TYRP1: variants seen among roughly 807,000 people sequenced by gnomAD.
TYRP1 encodes 5,6-dihydroxyindole-2-carboxylic acid oxidase.
A neutral mutation model predicts 42.8 loss-of-function variants in TYRP1; 49 were observed. The ratio of observed to expected loss-of-function variants is 1.14; its 90% CI spans 0.91 to 1.45. The LOEUF (loss-of-function observed/expected upper bound fraction) is 1.45, where lower values mean the gene tolerates loss of function less well. TYRP1 is among the 40% of genes most tolerant of loss of function. The probability of loss-of-function intolerance (pLI) is 0.00; values close to 1 mark genes in which losing one functional copy is unlikely to be tolerated. For missense variants in TYRP1, 848 were observed against 662.0 expected, an observed-to-expected ratio of 1.28 and a Z score of -3.08; for synonymous variants, 279 against 235.4, an observed-to-expected ratio of 1.19 and a Z score of -1.69.
chr9:12,705,198 A>T (rs778992812), intron 6 of TYRP1, among the ~76,000 whole-genome samples: 1 of 152,072 alleles, frequency 6.6e-6, no homozygotes, highest in African/African-American at 2.4e-5. Context: ...ATATCACACT[A>T]TAGGAAATCT....
Position 12,695,465 on chromosome 9 carries a change from C to T in TYRP1, c.386-50C>T, listed in dbSNP as rs776441173. ...CAAGATGATTATGCTCTTTCTCTAC[C>T]CATCCCCGCAAGGCAGATGTTTTCA... On this transcript the variant is annotated intron_variant, in intron 2 of 7. Transcript: ENST00000388918. 3.2e-6 allele frequency: 5 copies of T among 1,551,700 alleles called. No homozygotes were observed. In the South Asian group the frequency reaches 5.6e-5, roughly 17 times the overall value.
intron 4 of TYRP1, among the ~76,000 whole-genome samples, chr9:12,701,456 A>G (rs1818166861): frequency 6.6e-6 from 1 of 151,814 alleles, no homozygotes; most frequent in Non-Finnish European, 1.5e-5. Flanking sequence ...TGTTACAGAT[A>G]GGGGGTGTTA....
chr9:12,704,643 T>G lies in TYRP1; in HGVS notation c.1199T>G (p.Phe400Cys). ...CATTTGTCTCCAAATGATCCTATTT[T>G]TGTCCTCCTGCACACCTTCACAGAT... ...QTHLSPNDPIFVLLHTFTDAV... is the reference protein window; with the variant it reads ...QTHLSPNDPICVLLHTFTDAV... The change falls in exon 6 of 8, where the codon TTT becomes TGT. Residue 400 changes from phenylalanine to cysteine, a missense_variant. Phe to Cys is a radical substitution (Grantham distance 205). Transcript: ENST00000388918. 6.2e-7 allele frequency: 1 copy of G among 1,613,176 alleles called. No homozygotes were observed. Among genetic ancestry groups the G allele is most frequent in the Non-Finnish European group, 8.5e-7 (1 of 1,179,474 alleles).
At chr9:12,707,464 A>C (rs1818276639) in intron 6 of TYRP1, among the ~76,000 whole-genome samples, 1 of 152,006 alleles carries the variant, frequency 6.6e-6, no homozygotes, top group Non-Finnish European at 1.5e-5. Flanking sequence ...CTCTATAGAC[A>C]AATAAAATCA....
chr9:12,709,255 T>C lies in TYRP1; in HGVS notation c.*73T>C, dbSNP rs1302919400. The C allele has an allele frequency of 7.1e-7, 1 of 1,411,458 alleles. No individual in the cohort carries two copies. Among genetic ancestry groups the C allele is most frequent in the East Asian group, 2.3e-5 (1 of 43,726 alleles). The allele number at this position is 1,411,458 out of a possible 1,614,324, so 87.4% of individuals were successfully genotyped here. A position where few individuals can be genotyped will look rare whatever the true frequency, so the allele number is the denominator to read the frequency against. The stretch of plus-strand genomic sequence containing the variant: ...GAATATAATAGATTGAGTTATTAAC[T>C]GTATTTTCTTTCACTTTATTACCTT... On this transcript the variant is annotated 3_prime_UTR_variant, in exon 8 of 8. Transcript: ENST00000388918.
At chr9:12,698,842 G>C (rs1818120761) in intron 4 of TYRP1, among the ~76,000 whole-genome samples, 187 bp downstream of exon 4, 1 of 152,066 alleles carries the variant, frequency 6.6e-6, no homozygotes, top group Non-Finnish European at 1.5e-5. Context: ...GTTGCTCCAG[G>C]GGAAACAGAA....
intron 5 of TYRP1, among the ~76,000 whole-genome samples, chr9:12,704,095 A>G (rs562986549): frequency 1.7e-4 from 26 of 152,056 alleles, no homozygotes; most frequent in Non-Finnish European, 3.5e-4. Context: ...TCATTCAAAA[A>G]TAAGGTAGGA....
chr9:12,693,741 T>A (rs1818030568), intron 1 of TYRP1, among the ~76,000 whole-genome samples, 171 bp from the exon 2 acceptor site: 1 of 151,592 alleles, frequency 6.6e-6, no homozygotes, highest in Admixed American at 6.6e-5. Context: ...GCAGGTGTTA[T>A]ATATGCCAAA....
At chr9:12,704,489 A>T in intron 5 of TYRP1, 37 bp from the exon 6 acceptor site, 2 of 1,597,284 alleles carry the variant, frequency 1.3e-6, no homozygotes, top group Non-Finnish European at 1.7e-6. Flanking sequence ...AAATATTTGC[A>T]ATAGTTTTAC....
chr9:12,705,944 T>C (rs575004966), intron 6 of TYRP1, among the ~76,000 whole-genome samples: 1 of 152,226 alleles, frequency 6.6e-6, no homozygotes, highest in South Asian at 2.1e-4. Context: ...CACTGTCAGC[T>C]TTTTTAAAAG....
intron 2 of TYRP1, among the ~76,000 whole-genome samples, chr9:12,695,222 G>A (rs1456171250): frequency 2.6e-5 from 4 of 152,058 alleles, no homozygotes; most frequent in African/African-American, 4.8e-5. Flanking sequence ...AATGCCAACA[G>A]TGGGCAGAAA....
rs746398469 is a variant in TYRP1 at position 12,694,337 on chromosome 9, G to A, written c.341G>A (p.Arg114His). ...NFSGHNCGTC[R>H]PGWRGAACDQ... ...TCAGGACACAACTGTGGGACGTGCC[G>A]TCCTGGCTGGAGAGGAGCTGCCTGT... The change falls in exon 2 of 8, where the codon CGT becomes CAT. Residue 114 changes from arginine to histidine, a missense_variant. Coordinates refer to ENST00000388918, the MANE Select transcript of TYRP1 (RefSeq NM_000550.3). 7.4e-6 allele frequency: 12 copies of A among 1,613,912 alleles called. No homozygotes were observed. The highest frequency in any genetic ancestry group is 1.6e-4 in the Middle Eastern group (1 of 6,084).
At chr9:12,704,354 A>G (rs549098658) in intron 5 of TYRP1, among the ~76,000 whole-genome samples, 172 bp from the exon 6 acceptor site, 1 of 152,186 alleles carries the variant, frequency 6.6e-6, no homozygotes, top group Non-Finnish European at 1.5e-5. Context: ...CTCTGGGTAT[A>G]GCAAACAAAT....
rs1284386022 is a variant in TYRP1 at position 12,702,344 on chromosome 9, A to T, written c.987A>T (p.Glu329Asp). 1 of 1,613,148 alleles carries T rather than the reference A, an allele frequency of 6.2e-7. No individual in the cohort carries two copies. Among genetic ancestry groups the T allele is most frequent in the South Asian group, 1.1e-5 (1 of 91,070 alleles). ...VARPMVQRLP[E>D]PQDVAQCLEV... ...GACCAATGGTGCAACGTCTTCCTGA[A>T]CCACAGGATGTCGCTCAGTGCTTGG... The change falls in exon 5 of 8, where the codon GAA (glutamate) becomes GAT (aspartate). Residue 329 changes from glutamate (E) to aspartate (D), a missense_variant. Coordinates refer to ENST00000388918, the MANE Select transcript of TYRP1 (RefSeq NM_000550.3).
In TYRP1 at chr9:12,709,239, A is replaced by AGAT. The variant is rs1311538279; in HGVS notation, c.*58_*60dup. 20 of 1,479,228 alleles carry AGAT rather than the reference A, an allele frequency of 1.4e-5. No individual in the cohort carries two copies. In the East Asian group the frequency reaches 4.1e-4, roughly 30 times the overall value. The allele number at this position is 1,479,228 out of a possible 1,614,324, so 91.6% of individuals were successfully genotyped here. On this transcript the variant is annotated 3_prime_UTR_variant, in exon 8 of 8. Coordinates refer to ENST00000388918, the MANE Select transcript of TYRP1 (RefSeq NM_000550.3). ...ACAAAACCACCTGGTTGAATATAAT[A>AGAT]GATTGAGTTATTAACTGTATTTTCT...
rs113819841 is a variant in TYRP1, at chr9:12,709,780, CA to C, written c.*603del. On this transcript the variant is annotated 3_prime_UTR_variant, in exon 8 of 8. Transcript: ENST00000388918. ...TTTAGTCTCAGGTTCAAGGCTACAA[CA>C]AAAATCACCATCTTTGTCAAACTTT... 0.056 allele frequency: 8,563 copies of C among 152,660 alleles called. 264 individuals are homozygous for C. The highest frequency in any genetic ancestry group is 0.062 in the Non-Finnish European group (4,245 of 68,416). 9.5% of individuals were successfully genotyped at this position (152,660 alleles called of 1,614,324 possible). A position where few individuals can be genotyped will look rare whatever the true frequency, so the allele number is the denominator to read the frequency against.
chr9:12,702,024 C>G (rs897637147), intron 4 of TYRP1, among the ~76,000 whole-genome samples: 2 of 151,954 alleles, frequency 1.3e-5, no homozygotes, highest in East Asian at 1.9e-4. Context: ...ACACCTGTAT[C>G]TGTTAGTGTG....
intron 3 of TYRP1, 21 bp from the exon 4 acceptor site, chr9:12,698,430 A>G (rs763994044): frequency 6.2e-7 from 1 of 1,601,290 alleles, no homozygotes; most frequent in Non-Finnish European, 8.6e-7. Flanking sequence ...AGAGAGTATT[A>G]ATGTGGTTTC....
At chr9:12,707,720 A>C in intron 6 of TYRP1, 1 of 333,128 alleles carries the variant, frequency 3.0e-6, no homozygotes, top group Non-Finnish European at 5.4e-6. Flanking sequence ...ATTTTTAAAA[A>C]TTATTCAAGA....
Sources: allele counts gnomAD v4.1 joint callset (sites outside exome capture counted in the v4.1 genomes callset), GRCh38; gene constraint gnomAD v4.1.1; transcripts MANE v1.5; gene names NCBI Gene and HGNC (gene_info 2026-07-23, HGNC 2026-07-21).